The following MGAT4D variants were observed in gnomAD, a reference collection of about 807,000 sequenced individuals.
MGAT4D encodes MGAT4 family member D.
A neutral mutation model predicts 15.9 loss-of-function variants in MGAT4D; 34 were observed. The ratio of observed to expected loss-of-function variants is 2.14; its 90% confidence interval spans 1.62 to 2.84. The LOEUF (loss-of-function observed/expected upper bound fraction) is 2.84. MGAT4D is among the 30% of genes most tolerant of loss of function. MGAT4D has a pLI of 0.00. For synonymous variants in MGAT4D, 112 were observed against 48.2 expected (o/e 2.33, Z -5.49); for missense variants, 327 against 140.2 (o/e 2.33, Z -6.73).
intron 5 of MGAT4D, among the ~76,000 whole-genome samples, chr4:140,466,107 A>G (rs1731515279): frequency 6.6e-6 from 1 of 152,178 alleles, no homozygotes; most frequent in Non-Finnish European, 1.5e-5. Flanking sequence ...AGCCTACATG[A>G]TATTTAACAA....
chr4:140,443,942 A>G (rs971902894), intron 10 of MGAT4D, among the ~76,000 whole-genome samples: 3 of 152,166 alleles, frequency 2.0e-5, no homozygotes, highest in African/African-American at 4.8e-5. Context: ...GATACTACAT[A>G]TCATATGAAA....
intron 3 of MGAT4D, among the ~76,000 whole-genome samples, chr4:140,476,571 C>T (rs1327085129): frequency 6.6e-6 from 1 of 152,124 alleles, no homozygotes; most frequent in Non-Finnish European, 1.5e-5. Context: ...CCTGGAATGG[C>T]TTCCTATGCC....
chr4:140,452,121 C>T (rs765593040), intron 9 of MGAT4D, among the ~76,000 whole-genome samples: 50 of 151,748 alleles, frequency 3.3e-4, no homozygotes, highest in Non-Finnish European at 6.2e-4. Context: ...GGGAGGATTG[C>T]TCAGGAGTTT....
rs1397676139 is a variant in MGAT4D, at chr4:140,444,210, A to AT, written c.1117-767dup. ...CCTTAAGTAATAATTCAGTTAAAGT[A>AT]TTTTTTTTAAAAAAGCTTTCATTTT... On this transcript the variant is annotated intron_variant, in intron 10 of 10. Coordinates refer to ENST00000511113, the MANE Select transcript of MGAT4D (RefSeq NM_001277353.2). Among the ~76,000 whole-genome samples, 7 of 152,068 alleles carry AT rather than the reference A, an allele frequency of 4.6e-5. No individual in the cohort carries two copies. In the East Asian group the frequency reaches 9.7e-4, roughly 21 times the overall value.
chr4:140,498,288 G>A lies in MGAT4D; in HGVS notation c.-66C>T. On this transcript the variant is annotated 5_prime_UTR_variant, in exon 1 of 11. Transcript: ENST00000511113. The stretch of plus-strand genomic sequence containing the variant: ...CGGATAATGCCAGGGACGGGGTTGA[G>A]CGCGCAGAGCCCCCTCCCCGCGGTG... The A allele has an allele frequency of 2.9e-6, 2 of 687,758 alleles. No homozygotes were observed. Among genetic ancestry groups the A allele is most frequent in the South Asian group, 1.5e-5 (1 of 65,846 alleles). The allele number at this position is 687,758 out of a possible 1,614,324, so 42.6% of individuals were successfully genotyped here.
chr4:140,451,361 A>C (rs1376994083), intron 10 of MGAT4D, 49 bp downstream of exon 10: 2 of 509,740 alleles, frequency 3.9e-6, no homozygotes. Context: ...AGTATTTTAT[A>C]AGTTTATAAA....
At chr4:140,495,189 C>T (rs1733760261) in intron 1 of MGAT4D, among the ~76,000 whole-genome samples, 1 of 152,122 alleles carries the variant, frequency 6.6e-6, no homozygotes, top group Non-Finnish European at 1.5e-5. Context: ...CTTGCTTTTC[C>T]CTTTGTCTGA....
chr4:140,487,576 CA>C (rs1733227286), intron 1 of MGAT4D, among the ~76,000 whole-genome samples: 1 of 152,094 alleles, frequency 6.6e-6, no homozygotes, highest in Non-Finnish European at 1.5e-5. Context: ...AATGTTTCAA[CA>C]TAAAAGTAAA....
chr4:140,452,934 A>AGTGT (rs2126685619), intron 9 of MGAT4D, among the ~76,000 whole-genome samples: 1 of 152,234 alleles, frequency 6.6e-6, no homozygotes, highest in African/African-American at 2.4e-5. Context: ...GTTTGTATAA[A>AGTGT]GTGTGAGGTT....
rs72716396 is a variant in MGAT4D, at chr4:140,456,541, G to A, written c.1008+48C>T. 3,121 of 550,598 alleles carry A rather than the reference G, an allele frequency of 5.7e-3. 18 individuals are homozygous for A. The highest frequency in any genetic ancestry group is 0.017 in the Middle Eastern group (62 of 3,664). The allele number at this position is 550,598 out of a possible 1,614,324, so 34.1% of individuals were successfully genotyped here. ...AAATTTTAGGTAATTACGTTGGATA[G>A]ATAATATTTTTCCTAAAATATTTGG... is the stretch of plus-strand genomic sequence containing the variant. On this transcript the variant is annotated intron_variant, in intron 9 of 10. Transcript: ENST00000511113.
chr4:140,459,615 A>G lies in MGAT4D; in HGVS notation c.774T>C (p.Asp258=). The stretch of plus-strand genomic sequence containing the variant: ...TAAAGTACATCTCTTTAGCTATGAT[A>G]TCATCTTCTAGCTGAAAAAAAAAAC... ...KAKYYLQLED[D]IIAKEMYFTK... The change falls in exon 8 of 11, where the codon GAT becomes GAC. Residue 258 remains aspartate, a synonymous_variant. Transcript: ENST00000511113. 2.1e-6 allele frequency: 1 copy of G among 472,714 alleles called. No individual in the cohort carries two copies. Among genetic ancestry groups the G allele is most frequent in the South Asian group, 3.8e-5 (1 of 26,378 alleles). 29.3% of individuals were successfully genotyped at this position (472,714 alleles called of 1,614,324 possible).
intron 8 of MGAT4D, 166 bp from the exon 9 acceptor site, chr4:140,456,885 T>G (rs1033250622): frequency 2.4e-6 from 1 of 410,678 alleles, no homozygotes; most frequent in African/African-American, 2.0e-5. Context: ...ACACTATATC[T>G]GCTTAAGTAT....
chr4:140,445,350 G>A (rs1186136931), intron 10 of MGAT4D, among the ~76,000 whole-genome samples: 1 of 151,966 alleles, frequency 6.6e-6, no homozygotes, highest in East Asian at 1.9e-4. Context: ...ATCTGTTTGT[G>A]TCCTTTACCC....
intron 5 of MGAT4D, among the ~76,000 whole-genome samples, chr4:140,467,543 G>C (rs1731621181): frequency 6.6e-6 from 1 of 152,122 alleles, no homozygotes; most frequent in South Asian, 2.1e-4. Flanking sequence ...ATGTTGGAGA[G>C]AAAGATTCCA....
chr4:140,483,485 T>C (rs1732880762), intron 1 of MGAT4D, among the ~76,000 whole-genome samples: 1 of 152,068 alleles, frequency 6.6e-6, no homozygotes. Context: ...AAAAATCCAA[T>C]TACGTTTTTC....
At chr4:140,455,716 G>C (rs1730752506) in intron 9 of MGAT4D, among the ~76,000 whole-genome samples, 1 of 152,052 alleles carries the variant, frequency 6.6e-6, no homozygotes, top group Admixed American at 6.6e-5. Flanking sequence ...AGTTCTGTCA[G>C]TTTTTGCTTC....
chr4:140,462,283 A>G (rs1720277626), intron 6 of MGAT4D, among the ~76,000 whole-genome samples: 2 of 152,142 alleles, frequency 1.3e-5, no homozygotes, highest in Admixed American at 6.5e-5. Flanking sequence ...GATCTAGATA[A>G]TAGTGTTAAT....
intron 4 of MGAT4D, among the ~76,000 whole-genome samples, chr4:140,472,701 T>C (rs1471779685): frequency 6.6e-5 from 10 of 152,204 alleles, no homozygotes; most frequent in Admixed American, 6.5e-4. Context: ...CATTTTATAT[T>C]CCATTTAAAA....
At chr4:140,459,347 A>T (rs1731013077) in intron 8 of MGAT4D, 165 bp downstream of exon 8, 1 of 313,622 alleles carries the variant, frequency 3.2e-6, no homozygotes, top group South Asian at 1.6e-4. Flanking sequence ...CATTATCTGG[A>T]ATTTAGGTAC....
Sources: allele counts gnomAD v4.1 joint callset (sites outside exome capture counted in the v4.1 genomes callset), GRCh38; gene constraint gnomAD v4.1.1; transcripts MANE v1.5; gene names NCBI Gene and HGNC (gene_info 2026-07-23, HGNC 2026-07-21).